The following VWA8 variants were observed in gnomAD, a reference collection of about 807,000 sequenced individuals.
VWA8 encodes von Willebrand factor A domain-containing protein 8.
A neutral mutation model predicts 241.5 loss-of-function variants in VWA8; 221 were observed. The observed-to-expected ratio is 0.91, with a 90% confidence interval of 0.82 to 1.02. The LOEUF (loss-of-function observed/expected upper bound fraction) is 1.02, where lower values mean the gene tolerates loss of function less well. Ranked by LOEUF, VWA8 falls within the 50% of genes least tolerant of loss-of-function variation. The pLI is 0.00. For synonymous variants in VWA8, 852 were observed against 827.1 expected (o/e 1.03, Z -0.52); for missense variants, 2,322 against 2,328.7 (o/e 1.00, Z 0.06).
intron 12 of VWA8, among the ~76,000 whole-genome samples, chr13:41,841,860 A>ATATATATATATATATAT (rs1566478209): frequency 9.6e-5 from 6 of 62,646 alleles, no homozygotes; most frequent in African/African-American, 1.7e-4. Context: ...TATATATATA[A>ATATATATATATATATAT]AAACAGTAGA....
intron 12 of VWA8, among the ~76,000 whole-genome samples, chr13:41,836,291 G>A (rs1566476039): frequency 6.6e-6 from 1 of 152,162 alleles, no homozygotes. Context: ...AATTCAGAGA[G>A]GAGATGGCAG....
chr13:41,690,320 T>C (rs762632253), intron 32 of VWA8, 45 bp from the exon 33 acceptor site: 8 of 1,540,838 alleles, frequency 5.2e-6, no homozygotes. Context: ...TTTTTCTTTT[T>C]CTAATAGTAA....
At chr13:41,798,741 T>C (rs1300229891) in intron 17 of VWA8, among the ~76,000 whole-genome samples, 1 of 152,132 alleles carries the variant, frequency 6.6e-6, no homozygotes, top group Non-Finnish European at 1.5e-5. Flanking sequence ...CTCAGTCTCT[T>C]TATTCTCTCC....
intron 38 of VWA8, among the ~76,000 whole-genome samples, chr13:41,613,256 A>C (rs2044601070): frequency 6.6e-6 from 1 of 152,192 alleles, no homozygotes; most frequent in Admixed American, 6.5e-5. Context: ...ACTGCCTATT[A>C]ATTACACTAC....
At chr13:41,881,399 A>T (rs1476454706) in intron 9 of VWA8, among the ~76,000 whole-genome samples, 1 of 100,688 alleles carries the variant, frequency 9.9e-6, no homozygotes, top group Non-Finnish European at 1.9e-5. Context: ...GGGTAAGGTC[A>T]CAGATCAACA....
chr13:41,741,457 G>GGTGA (rs2045568673), intron 21 of VWA8, among the ~76,000 whole-genome samples: 1 of 152,146 alleles, frequency 6.6e-6, no homozygotes, highest in African/African-American at 2.4e-5. Flanking sequence ...CCTCTTAGAA[G>GGTGA]CATTCCTTAT....
intron 19 of VWA8, among the ~76,000 whole-genome samples, chr13:41,780,355 A>C (rs1868835603): frequency 6.6e-6 from 1 of 152,176 alleles, no homozygotes; most frequent in Admixed American, 6.5e-5. Context: ...GTTATTCCCC[A>C]GTCACCTAAA....
intron 2 of VWA8, among the ~76,000 whole-genome samples, chr13:41,916,143 T>C (rs1009421763): frequency 6.6e-6 from 1 of 152,236 alleles, no homozygotes; most frequent in African/African-American, 2.4e-5. Context: ...AAAGTTGTTA[T>C]GAGGATTATA....
chr13:41,752,325 T>C (rs1388889104), intron 21 of VWA8, among the ~76,000 whole-genome samples: 2 of 152,114 alleles, frequency 1.3e-5, no homozygotes, highest in South Asian at 2.1e-4. Context: ...ATCACAGACA[T>C]GTATTCTGAG....
At position 41,611,732 on chromosome 13, in the gene VWA8, C is replaced by T. The variant is rs201318560; in HGVS notation, c.4721G>A (p.Gly1574Glu). The change falls in exon 39 of 45, where the codon GGG becomes GAG. Residue 1574 changes from glycine to glutamate, a missense_variant and splice_region_variant. Physicochemically the swap from Gly to Glu is moderately conservative, Grantham distance 98. Coordinates refer to ENST00000379310, the MANE Select transcript of VWA8 (RefSeq NM_015058.2). ...ACCCAGGCCTGCCGTGTCTCTTCCCCCTGGAAGGAAAACGTGGAAATTCAG... is the reference window on the plus strand; with the variant it reads ...ACCCAGGCCTGCCGTGTCTCTTCCCTCTGGAAGGAAAACGTGGAAATTCAG... ...VGGNTWAGGT[G>E]GRDTAGLGGK... 12 of 1,613,332 alleles carry T rather than the reference C, an allele frequency of 7.4e-6. No homozygotes were observed. The highest frequency in any genetic ancestry group is 6.7e-5 in the Admixed American group (4 of 59,860).
chr13:41,841,860 A>ATATATATATATAT lies in VWA8; in HGVS notation c.1426-8330_1426-8329insATATATATATATA, dbSNP rs1566478209. ...ATATATATATATATATATATATATA[A>ATATATATATATAT]AAACAGTAGACATTTAATATTTTTT... is the stretch of plus-strand genomic sequence containing the variant. On this transcript the variant is annotated intron_variant, in intron 12 of 44. Transcript: ENST00000379310. Among the ~76,000 whole-genome samples, 83 of 62,576 alleles carry ATATATATATATAT rather than the reference A, an allele frequency of 1.3e-3. 1 individual carries two copies. Among genetic ancestry groups the ATATATATATATAT allele is most frequent in the Middle Eastern group, 0.01 (1 of 100 alleles). 41.1% of individuals were successfully genotyped at this position (62,576 alleles called of 152,430 possible). A position where few individuals can be genotyped will look rare whatever the true frequency, so the allele number is the denominator to read the frequency against.
At chr13:41,654,547 A>G (rs2044889545) in intron 37 of VWA8, among the ~76,000 whole-genome samples, 1 of 152,196 alleles carries the variant, frequency 6.6e-6, no homozygotes, top group Admixed American at 6.5e-5. Context: ...CCTCGCATGC[A>G]CAGTTCACAC....
At chr13:41,684,387 T>C (rs1329045209) in intron 35 of VWA8, among the ~76,000 whole-genome samples, 3 of 152,134 alleles carry the variant, frequency 2.0e-5, no homozygotes, top group Non-Finnish European at 4.4e-5. Context: ...AACTTTTTCA[T>C]AGTTATCTGT....
At position 41,811,205 on chromosome 13, in the gene VWA8, G is replaced by T; in HGVS notation, c.2063+20C>A. On this transcript the variant is annotated intron_variant, in intron 17 of 44. Transcript: ENST00000379310. ...GTGAAGATCCAGAAACTTACACGCA[G>T]TGAGAAAGAATATGTTTACCTGGAA... is the stretch of plus-strand genomic sequence containing the variant. 6.3e-7 allele frequency: 1 copy of T among 1,580,600 alleles called. No homozygotes were observed. The highest frequency in any genetic ancestry group is 8.7e-7 in the Non-Finnish European group (1 of 1,152,074).
chr13:41,830,666 G>A lies in VWA8; in HGVS notation c.1587-24C>T, dbSNP rs572923578. ...ACCTAACAAGATAAGAAAAAAGCCC[G>A]AAAATAAATTAATGTGTTTTGAACA... On this transcript the variant is annotated intron_variant, in intron 13 of 44. Transcript: ENST00000379310. The A allele has an allele frequency of 3.6e-5, 57 of 1,596,814 alleles. 1 individual carries two copies. The Middle Eastern group carries it at 6.7e-4, about 19-fold the overall frequency.
rs867297058 is a variant in VWA8, at chr13:41,868,454, T to G, written c.1104A>C (p.Gly368=). The G allele has an allele frequency of 4.3e-6, 7 of 1,613,468 alleles. No homozygotes were observed. The Middle Eastern group carries it at 1.2e-3, about 266-fold the overall frequency. ...VLKRFELQDS[G]SSLLPKEIVK... ...CAATCTCTTTAGGAAGTAGAGAGCT[T>G]CCTGAATCTTGAAGTTCAAAGCGCT... Residue 368 remains glycine (G), a synonymous_variant, in exon 10 of 45, where the codon GGA becomes GGC. Coordinates refer to ENST00000379310, the MANE Select transcript of VWA8 (RefSeq NM_015058.2).
intron 4 of VWA8, among the ~76,000 whole-genome samples, chr13:41,897,836 G>C (rs1456964123): frequency 6.6e-6 from 1 of 152,076 alleles, no homozygotes; most frequent in Non-Finnish European, 1.5e-5. Flanking sequence ...CTGTGGAAGG[G>C]GACCCGAGCG....
chr13:41,881,057 T>C (rs1288621942), intron 9 of VWA8, among the ~76,000 whole-genome samples: 2 of 152,298 alleles, frequency 1.3e-5, no homozygotes, highest in East Asian at 1.9e-4. Flanking sequence ...CCCATCTCCA[T>C]ATTTTTTGTT....
In VWA8 at chr13:41,886,767, A is replaced by T; in HGVS notation, c.866+14T>A. The T allele has an allele frequency of 6.3e-7, 1 of 1,584,228 alleles. No individual in the cohort carries two copies. Among genetic ancestry groups the T allele is most frequent in the Non-Finnish European group, 8.6e-7 (1 of 1,167,708 alleles). On this transcript the variant is annotated intron_variant, in intron 7 of 44. Transcript: ENST00000379310. ...CAATATTCAGTGTCCAGACATTTATAAAAATATACTTACTTCTCAGCAGAA... is the reference window on the plus strand; with the variant it reads ...CAATATTCAGTGTCCAGACATTTATTAAAATATACTTACTTCTCAGCAGAA...
Sources: gnomAD v4.1 joint callset for allele counts (sites outside exome capture counted in the v4.1 genomes callset) on GRCh38, gnomAD v4.1.1 for gene constraint, MANE v1.5 for transcripts, NCBI Gene and HGNC (gene_info 2026-07-23, HGNC 2026-07-21) for gene names.